Variants in SEMA3D observed in about 807,000 individuals in gnomAD.
SEMA3D encodes the protein semaphorin 3D, also known as semaphorin-3D.
In SEMA3D, 84 loss-of-function variants were observed where a neutral mutation model predicts 100.1. The ratio of observed to expected loss-of-function variants is 0.84; its 90% CI spans 0.70 to 1.01. The LOEUF (loss-of-function observed/expected upper bound fraction) is 1.01, where lower values mean the gene tolerates loss of function less well. Among genes scored for constraint, SEMA3D ranks in the 50% least tolerant of loss-of-function variants. The pLI is 0.00. For missense variants in SEMA3D, 875 were observed against 934.1 expected, an observed-to-expected ratio of 0.94 and a Z score of 0.82; for synonymous variants, 312 against 320.7, an observed-to-expected ratio of 0.97 and a Z score of 0.29.
At chr7:85,176,999 G>T (rs1026921739) in intron 1 of SEMA3D, among the ~76,000 whole-genome samples, 1 of 152,042 alleles carries the variant, frequency 6.6e-6, no homozygotes, top group Non-Finnish European at 1.5e-5. Context: ...ACAATATTCA[G>T]TATAGTAGCA....
intron 2 of SEMA3D, chr7:85,141,440 A>C: frequency 1.0e-6 from 1 of 985,114 alleles, no homozygotes. Flanking sequence ...AATATTTAAA[A>C]AAAAGATTGG....
intron 11 of SEMA3D, among the ~76,000 whole-genome samples, chr7:85,037,569 C>G (rs1411181237): frequency 6.6e-6 from 1 of 152,014 alleles, no homozygotes. Flanking sequence ...TATCCATAAA[C>G]ATTAGTTGCT....
At chr7:85,218,835 G>T in the SEMA3D span, among the ~76,000 whole-genome samples, 23,901 of 152,052 alleles carry the variant, frequency 0.16, 2,384 homozygotes, top group Non-Finnish European at 0.23. Flanking sequence ...CACTCAGCAG[G>T]CTTGTTTAAA....
chr7:85,227,942 A>C, the SEMA3D span, among the ~76,000 whole-genome samples: 1 of 152,164 alleles, frequency 6.6e-6, no homozygotes, highest in Non-Finnish European at 1.5e-5. Flanking sequence ...TATATGACTC[A>C]AGTAATTTAG....
the SEMA3D span, among the ~76,000 whole-genome samples, chr7:85,223,538 T>TTG: frequency 0.014 from 2,083 of 148,746 alleles, 37 homozygotes; most frequent in South Asian, 0.051. Context: ...TATCATATAT[T>TTG]TGTGTGTGTG....
chr7:85,091,010 A>G (rs1249509202), intron 4 of SEMA3D, among the ~76,000 whole-genome samples: 1 of 151,832 alleles, frequency 6.6e-6, no homozygotes, highest in Non-Finnish European at 1.5e-5. Context: ...AGAGAAAGAA[A>G]GAAACGAAAA....
At chr7:85,105,375 T>C (rs2116343081) in intron 3 of SEMA3D, among the ~76,000 whole-genome samples, 1 of 152,164 alleles carries the variant, frequency 6.6e-6, no homozygotes. Context: ...AATTAGCTCA[T>C]CTTAACTTGG....
chr7:85,114,138 T>C (rs771584436), intron 3 of SEMA3D, among the ~76,000 whole-genome samples: 1 of 152,118 alleles, frequency 6.6e-6, no homozygotes, highest in South Asian at 2.1e-4. Context: ...GGGAATGTTG[T>C]GATTCTTACT....
the SEMA3D span, among the ~76,000 whole-genome samples, chr7:85,240,935 T>C: frequency 1.3e-5 from 2 of 152,024 alleles, no homozygotes; most frequent in Non-Finnish European, 2.9e-5. Context: ...AGGACTAATA[T>C]CTAGAATCTA....
rs571991589 is a variant in SEMA3D at position 85,078,311 on chromosome 7, G to A, written c.375+3206C>T. On this transcript the variant is annotated intron_variant, in intron 5 of 18. Coordinates refer to ENST00000284136, the MANE Select transcript of SEMA3D (RefSeq NM_001384900.1). ...GAAGAAAAAAAGAAAGTGAGAGGAA[G>A]GAAGGAAAGAAGGAAGGAGGGAAGG... 4.6e-5 allele frequency among the ~76,000 whole-genome samples: 7 copies of A among 151,612 alleles called. No homozygotes were observed. The South Asian group carries it at 1.5e-3, about 32-fold the overall frequency.
chr7:85,146,172 C>T (rs565973650), intron 2 of SEMA3D, among the ~76,000 whole-genome samples: 1 of 152,240 alleles, frequency 6.6e-6, no homozygotes, highest in East Asian at 1.9e-4. Context: ...ATTTGTATGA[C>T]ATCTTACAGT....
chr7:85,208,622 T>C, the SEMA3D span, among the ~76,000 whole-genome samples: 17 of 151,960 alleles, frequency 1.1e-4, no homozygotes, highest in Non-Finnish European at 2.2e-4. Context: ...AATCCAGACA[T>C]TGGGAATTTG....
At chr7:85,147,097 T>TTTTTTTC (rs1790235261) in intron 2 of SEMA3D, among the ~76,000 whole-genome samples, 1 of 70,970 alleles carries the variant, frequency 1.4e-5, no homozygotes, top group African/African-American at 6.0e-5. Flanking sequence ...CTTTTCTTTT[T>TTTTTTTC]TTTTTTTTTT....
At chr7:85,175,926 A>G (rs988204628) in intron 1 of SEMA3D, among the ~76,000 whole-genome samples, 3 of 151,980 alleles carry the variant, frequency 2.0e-5, no homozygotes, top group African/African-American at 7.2e-5. Context: ...TAAAGAATTC[A>G]CTCTCTGGTG....
At chr7:85,208,627 A>T in the SEMA3D span, among the ~76,000 whole-genome samples, 1 of 152,134 alleles carries the variant, frequency 6.6e-6, no homozygotes, top group African/African-American at 2.4e-5. Context: ...AGACATTGGG[A>T]ATTTGAGCCT....
the SEMA3D span, among the ~76,000 whole-genome samples, chr7:85,235,470 CTAAG>C: frequency 1.2e-3 from 179 of 152,180 alleles, no homozygotes; most frequent in African/African-American, 3.8e-3. Context: ...CACCATATAA[CTAAG>C]TCTTATCAAC....
intron 2 of SEMA3D, among the ~76,000 whole-genome samples, chr7:85,147,936 C>T (rs954499194): frequency 4.6e-5 from 7 of 152,102 alleles, no homozygotes; most frequent in African/African-American, 1.7e-4. Context: ...CCCTAACATG[C>T]CAGCCCACTC....
intron 12 of SEMA3D, among the ~76,000 whole-genome samples, chr7:85,022,904 T>C (rs1410567952): frequency 6.6e-6 from 1 of 151,934 alleles, no homozygotes; most frequent in Admixed American, 6.6e-5. Context: ...CTAATGAAGA[T>C]ATTTGAAATC....
chr7:85,120,276 G>A (rs1481664530), intron 3 of SEMA3D, among the ~76,000 whole-genome samples: 1 of 152,108 alleles, frequency 6.6e-6, no homozygotes, highest in Non-Finnish European at 1.5e-5. Context: ...TACCAAAACT[G>A]TTAATGTTCA....
Sources: allele counts gnomAD v4.1 joint callset (sites outside exome capture counted in the v4.1 genomes callset), GRCh38; gene constraint gnomAD v4.1.1; transcripts MANE v1.5; gene names NCBI Gene and HGNC (gene_info 2026-07-23, HGNC 2026-07-21).